The following SEMA5A variants were observed in gnomAD, a reference collection of about 807,000 sequenced individuals.
SEMA5A encodes the protein semaphorin-5A.
In SEMA5A, 55 loss-of-function variants were observed where a neutral mutation model predicts 135.5. The observed-to-expected ratio is 0.41, with a 90% CI of 0.33 to 0.51. The LOEUF is 0.51. SEMA5A is among the 20% of genes least tolerant of loss of function. SEMA5A has a pLI of 0.37. For synonymous variants in SEMA5A, 580 were observed against 546.5 expected, an observed-to-expected ratio of 1.06 and a Z score of -0.85; for missense variants, 1,290 against 1,419.9, an observed-to-expected ratio of 0.91 and a Z score of 1.47.
At chr5:9,275,220 T>C (rs1025620957) in intron 5 of SEMA5A, among the ~76,000 whole-genome samples, 2 of 151,620 alleles carry the variant, frequency 1.3e-5, no homozygotes, top group Non-Finnish European at 3.0e-5. Context: ...TCAAATAAAC[T>C]AGAAAATCTA....
intron 1 of SEMA5A, among the ~76,000 whole-genome samples, chr5:9,530,439 C>T (rs1737375295): frequency 6.6e-6 from 1 of 152,146 alleles, no homozygotes; most frequent in Non-Finnish European, 1.5e-5. Flanking sequence ...TAAACTCTTC[C>T]AGTCTCAACC....
rs115412187 is a variant in SEMA5A at position 9,103,105 on chromosome 5, C to G, written c.2073+5035G>C. On this transcript the variant is annotated intron_variant, in intron 16 of 22. Transcript: ENST00000382496. ...ATACTTGCTGAGGGAGACACAGCAC[C>G]CTGGATTGTCTCAGGACCTCTGAGT... is the stretch of plus-strand genomic sequence containing the variant. Among the ~76,000 whole-genome samples, 336 of 152,252 alleles carry G rather than the reference C, an allele frequency of 2.2e-3. 2 individuals are homozygous for G. Among genetic ancestry groups the G allele is most frequent in the African/African-American group, 7.9e-3 (327 of 41,544 alleles).
At position 9,149,472 on chromosome 5, in the gene SEMA5A, C is replaced by T. The variant is rs189680867; in HGVS notation, c.1481+5016G>A. Among the ~76,000 whole-genome samples the T allele has an allele frequency of 3.1e-4, 47 of 152,196 alleles. No individual in the cohort carries two copies. The South Asian group carries it at 4.8e-3, about 15-fold the overall frequency. On this transcript the variant is annotated intron_variant, in intron 12 of 22. Transcript: ENST00000382496. ...CATCCTGGCCAACATGGTGAAACCC[C>T]GTCTCTACTAAAAATACAAAACTTA...
chr5:9,094,689 C>T (rs138470244), intron 16 of SEMA5A, among the ~76,000 whole-genome samples: 10 of 152,312 alleles, frequency 6.6e-5, no homozygotes, highest in African/African-American at 2.4e-4. Context: ...TGTCATTTTT[C>T]TCACACAATG....
chr5:9,233,780 T>C (rs1224762369), intron 6 of SEMA5A, among the ~76,000 whole-genome samples: 1 of 152,112 alleles, frequency 6.6e-6, no homozygotes, highest in African/African-American at 2.4e-5. Context: ...TGAGGAATGC[T>C]CCCATCAGAA....
intron 12 of SEMA5A, among the ~76,000 whole-genome samples, chr5:9,138,985 A>G (rs1232226789): frequency 6.6e-6 from 1 of 151,998 alleles, no homozygotes; most frequent in South Asian, 2.1e-4. Context: ...AGTTTCTTCA[A>G]CCTCTCCTTG....
At chr5:9,424,389 T>C (rs1579517289) in intron 2 of SEMA5A, among the ~76,000 whole-genome samples, 1 of 152,208 alleles carries the variant, frequency 6.6e-6, no homozygotes, top group South Asian at 2.1e-4. Context: ...AGCACTACTA[T>C]AGCAAATGAA....
In SEMA5A at chr5:9,506,595, C is replaced by T. The variant is rs147724712; in HGVS notation, c.-175+38989G>A. On this transcript the variant is annotated intron_variant, in intron 1 of 22. Transcript: ENST00000382496. ...GTCTCTTGTATGCTCAAAATAAGGT[C>T]TAAGATGGCTTATGGGGTCCAAAAT... Among the ~76,000 whole-genome samples, 25 of 152,270 alleles carry T rather than the reference C, an allele frequency of 1.6e-4. No homozygotes were observed. In the East Asian group the frequency reaches 4.6e-3, roughly 28 times the overall value.
At chr5:9,236,427 C>T (rs1029352196) in intron 6 of SEMA5A, among the ~76,000 whole-genome samples, 4 of 152,126 alleles carry the variant, frequency 2.6e-5, no homozygotes, top group South Asian at 2.1e-4. Context: ...GAAGTGGGGC[C>T]GAGGGCCGAG....
intron 5 of SEMA5A, among the ~76,000 whole-genome samples, chr5:9,266,554 G>A (rs1021363191): frequency 3.3e-5 from 5 of 152,116 alleles, no homozygotes; most frequent in Non-Finnish European, 7.4e-5. Context: ...ATCTGGTCCC[G>A]TAAGATAGTG....
intron 8 of SEMA5A, among the ~76,000 whole-genome samples, chr5:9,208,524 G>A (rs561140635): frequency 6.6e-6 from 1 of 152,294 alleles, no homozygotes; most frequent in South Asian, 2.1e-4. Context: ...GGGCAGCTGG[G>A]AGAAACAGAG....
At position 9,190,466 on chromosome 5, in the gene SEMA5A, G is replaced by A. The variant is rs778296895; in HGVS notation, c.1074C>T (p.Gly358=). Residue 358 remains glycine, a synonymous_variant, in exon 11 of 23, where the codon GGC becomes GGT. Coordinates refer to ENST00000382496, the MANE Select transcript of SEMA5A (RefSeq NM_003966.3). The part of the protein sequence containing the change: ...YPNPNPHFQC[G]TVDQGLYVNL... ...TCACGTACAGGCCCTGGTCCACGGT[G>A]CCACACTGAAAGGGAAGACGGGCCA... The A allele has an allele frequency of 6.2e-7, 1 of 1,613,150 alleles. No individual in the cohort carries two copies. The highest frequency in any genetic ancestry group is 8.5e-7 in the Non-Finnish European group (1 of 1,180,002).
At chr5:9,183,978 G>C (rs1744667027) in intron 11 of SEMA5A, among the ~76,000 whole-genome samples, 1 of 152,168 alleles carries the variant, frequency 6.6e-6, no homozygotes, top group African/African-American at 2.4e-5. Context: ...ATCTGGTATT[G>C]AGTGTTCCCC....
At chr5:9,149,894 T>C (rs1024534697) in intron 12 of SEMA5A, among the ~76,000 whole-genome samples, 1 of 152,204 alleles carries the variant, frequency 6.6e-6, no homozygotes, top group Non-Finnish European at 1.5e-5. Flanking sequence ...CCAGAGCTCA[T>C]AGGGTAGCAG....
intron 1 of SEMA5A, among the ~76,000 whole-genome samples, chr5:9,506,093 A>G (rs1735865886): frequency 6.6e-6 from 1 of 152,236 alleles, no homozygotes; most frequent in African/African-American, 2.4e-5. Context: ...AAGAATAGAA[A>G]GGATTAGATA....
intron 21 of SEMA5A, among the ~76,000 whole-genome samples, chr5:9,045,014 A>G (rs565735109): frequency 6.6e-6 from 1 of 152,010 alleles, no homozygotes; most frequent in Non-Finnish European, 1.5e-5. Context: ...CAAACTCCCA[A>G]CCTCAGATGA....
rs377002041 is a variant in SEMA5A, at chr5:9,069,683, G to T, written c.2074-3037C>A. ...GTAAGGCGATCATCGCTGTTTCTTT[G>T]ATTTAATACTCTCTAGGCATTCCTC... On this transcript the variant is annotated intron_variant, in intron 16 of 22. Transcript: ENST00000382496. Among the ~76,000 whole-genome samples the T allele has an allele frequency of 2.0e-5, 3 of 152,120 alleles. No individual in the cohort carries two copies. The South Asian group carries it at 6.2e-4, about 32-fold the overall frequency.
chr5:9,240,252 C>T (rs1748125169), intron 5 of SEMA5A, among the ~76,000 whole-genome samples: 1 of 151,852 alleles, frequency 6.6e-6, no homozygotes, highest in African/African-American at 2.4e-5. Context: ...CACTAGCTTG[C>T]CTATAATATT....
intron 16 of SEMA5A, among the ~76,000 whole-genome samples, chr5:9,087,708 T>C (rs535780991): frequency 1.3e-5 from 2 of 152,238 alleles, no homozygotes; most frequent in East Asian, 1.9e-4. Context: ...TGCCAGTTCA[T>C]ATATAAGGTT....
Sources: gnomAD v4.1 joint callset for allele counts (sites outside exome capture counted in the v4.1 genomes callset) on GRCh38, gnomAD v4.1.1 for gene constraint, MANE v1.5 for transcripts, NCBI Gene and HGNC (gene_info 2026-07-23, HGNC 2026-07-21) for gene names.